ZNF541: variants seen among roughly 807,000 people sequenced by gnomAD.
ZNF541 encodes zinc finger protein 541.
Under a neutral mutation model 123.5 loss-of-function variants are expected in ZNF541, and 23 were observed. The observed-to-expected ratio is 0.19, with a 90% CI of 0.13 to 0.26. ZNF541 has a LOEUF of 0.26. Ranked by LOEUF, ZNF541 falls within the 10% of genes least tolerant of loss-of-function variation. The probability of loss-of-function intolerance (pLI) is 1.00; values close to 1 mark genes in which losing one functional copy is unlikely to be tolerated. For synonymous variants in ZNF541, 751 were observed against 754.5 expected, an observed-to-expected ratio of 1.00 and a Z score of 0.08; for missense variants, 1,612 against 1,789.9, an observed-to-expected ratio of 0.90 and a Z score of 1.79.
chr19:47,533,951 C>A (rs1437969567), intron 9 of ZNF541, among the ~76,000 whole-genome samples: 2 of 152,214 alleles, frequency 1.3e-5, no homozygotes, highest in Non-Finnish European at 2.9e-5. Flanking sequence ...GGTTCTATTC[C>A]AGGTAGGTGC....
Position 47,545,124 on chromosome 19 carries a change from C to T in ZNF541, c.1405G>A (p.Glu469Lys). 3.4e-6 allele frequency: 5 copies of T among 1,483,230 alleles called. No homozygotes were observed. In the Middle Eastern group the frequency reaches 6.2e-4, roughly 184 times the overall value. The allele number at this position is 1,483,230 out of a possible 1,614,324, so 91.9% of individuals were successfully genotyped here. A position where few individuals can be genotyped will look rare whatever the true frequency, so the allele number is the denominator to read the frequency against. ...ESPPGPGGGL[E>K]DALPFPAALL... The stretch of plus-strand genomic sequence containing the variant: ...GCGGCAGGGAAGGGCAGAGCATCCT[C>T]CAGGCCACCGCCGGGGCCGGGCGGG... The change falls in exon 5 of 17, where the codon GAG (glutamate) becomes AAG (lysine). Residue 469 changes from glutamate (E) to lysine (K), a missense_variant. Physicochemically the swap from Glu to Lys is moderately conservative, Grantham distance 56. This residue lies in a region of ZNF541 where 1,080 missense variants were observed against 1,013.8 expected (regional missense o/e 1.07). Coordinates refer to ENST00000391901, the MANE Select transcript of ZNF541 (RefSeq NM_001277075.3). This position sits in a 1 kb window ranked among gnomAD's most constrained non-coding sequence, Gnocchi z 7.5.
chr19:47,565,957 A>C (rs1254754232), intron 2 of ZNF541, among the ~76,000 whole-genome samples: 1 of 152,166 alleles, frequency 6.6e-6, no homozygotes, highest in African/African-American at 2.4e-5. Context: ...TGTGCGGATC[A>C]CTTGAGGTCA....
intron 4 of ZNF541, among the ~76,000 whole-genome samples, chr19:47,548,119 G>GA (rs200430342): frequency 2.8e-4 from 30 of 108,828 alleles, no homozygotes; most frequent in South Asian, 5.3e-4. Flanking sequence ...TTTTAAAAAA[G>GA]AAAAAAAAAC....
In ZNF541 at chr19:47,521,220, G is replaced by T. The variant is rs1475493525; in HGVS notation, c.*4C>A. 1 of 1,550,802 alleles carries T rather than the reference G, an allele frequency of 6.4e-7. No homozygotes were observed. Among genetic ancestry groups the T allele is most frequent in the African/African-American group, 1.4e-5 (1 of 73,044 alleles). ...GGCCCCATTCGGACTTGCTGCCACG[G>T]GAGTCACCACTGCAGGGGGCCGATG... On this transcript the variant is annotated 3_prime_UTR_variant, in exon 17 of 17. Coordinates refer to ENST00000391901, the MANE Select transcript of ZNF541 (RefSeq NM_001277075.3). This position sits in a 1 kb window ranked among gnomAD's most constrained non-coding sequence, Gnocchi z 4.2.
chr19:47,540,412 T>C, intron 6 of ZNF541, 77 bp from the exon 7 acceptor site: 1 of 1,420,200 alleles, frequency 7.0e-7, no homozygotes, highest in South Asian at 1.5e-5. Flanking sequence ...TGTTTTTTTT[T>C]CTTTTTTGTC....
In ZNF541 at chr19:47,521,427, C is replaced by T. The variant is rs1969021078; in HGVS notation, c.3888-50G>A. 1.3e-6 allele frequency: 2 copies of T among 1,550,636 alleles called. No homozygotes were observed. The highest frequency in any genetic ancestry group is 4.9e-5 in the East Asian group (2 of 40,870). The stretch of plus-strand genomic sequence containing the variant: ...GGTCAGAGCAGGGAGGAAGGGATCA[C>T]AGGGGCTGAGGCTGGGAGCCCTGGG... On this transcript the variant is annotated intron_variant, in intron 16 of 16. Coordinates refer to ENST00000391901, the MANE Select transcript of ZNF541 (RefSeq NM_001277075.3). This position sits in a 1 kb window ranked among gnomAD's most constrained non-coding sequence, Gnocchi z 4.2.
At chr19:47,538,477 C>T in intron 8 of ZNF541, 38 bp from the exon 9 acceptor site, 2 of 1,446,820 alleles carry the variant, frequency 1.4e-6, no homozygotes, top group Non-Finnish European at 9.1e-7. Flanking sequence ...CGCCTGAAGC[C>T]ACCTACTGCA....
chr19:47,562,242 C>T lies in ZNF541; in HGVS notation c.-98-6288G>A, dbSNP rs541881501. Among the ~76,000 whole-genome samples the T allele has an allele frequency of 2.0e-3, 300 of 149,978 alleles. 4 individuals carry two copies. Among genetic ancestry groups the T allele is most frequent in the Middle Eastern group, 0.015 (4 of 270 alleles). On this transcript the variant is annotated intron_variant, in intron 2 of 16. Transcript: ENST00000391901. ...CCAGCCTGGGCGACAGAGACTGTCT[C>T]CCCAAAAAAAACAAAAACAGGCCAG...
At chr19:47,531,238 G>A (rs991578114) in intron 12 of ZNF541, among the ~76,000 whole-genome samples, 21 of 142,454 alleles carry the variant, frequency 1.5e-4, no homozygotes, top group Middle Eastern at 3.6e-3. Context: ...TGAGCGGGGG[G>A]GGGGGGGGGG....
At position 47,545,509 on chromosome 19, in the gene ZNF541, G is replaced by A. The variant is rs747640073; in HGVS notation, c.1020C>T (p.Leu340=). ...CGTCAGTGGCCGGCTCTTTCTGTGG[G>A]AGGCAAGGCTCCTCGGGAAGCTCGG... ...LDTELPEEPC[L]PQKEPATDVF... The change falls in exon 5 of 17, where the codon CTC becomes CTT. Residue 340 remains leucine (L), a synonymous_variant. Coordinates refer to ENST00000391901, the MANE Select transcript of ZNF541 (RefSeq NM_001277075.3). This position sits in a 1 kb window ranked among gnomAD's most constrained non-coding sequence, Gnocchi z 7.5. 3 of 1,501,800 alleles carry A rather than the reference G, an allele frequency of 2.0e-6. No homozygotes were observed. Among genetic ancestry groups the A allele is most frequent in the Non-Finnish European group, 2.7e-6 (3 of 1,121,726 alleles). The allele number at this position is 1,501,800 out of a possible 1,614,324, so 93.0% of individuals were successfully genotyped here.
chr19:47,524,673 A>G (rs1969201247), intron 14 of ZNF541, among the ~76,000 whole-genome samples: 1 of 147,664 alleles, frequency 6.8e-6, no homozygotes, highest in East Asian at 2.0e-4. Context: ...GTACCACTGC[A>G]CTCCAGACTG....
intron 14 of ZNF541, among the ~76,000 whole-genome samples, chr19:47,524,709 A>G (rs1180274722): frequency 3.3e-5 from 5 of 149,892 alleles, no homozygotes; most frequent in Non-Finnish European, 7.4e-5. Context: ...CTCTGTCTAA[A>G]AAAAAAAAAA....
intron 12 of ZNF541, 145 bp from the exon 13 acceptor site, chr19:47,529,797 C>G (rs1827746004): frequency 2.9e-6 from 2 of 700,676 alleles, no homozygotes; most frequent in South Asian, 3.6e-5. Flanking sequence ...CTGGATGGGC[C>G]ACCAGCCTGT....
In ZNF541 at chr19:47,535,284, A is replaced by C. The variant is rs548744365; in HGVS notation, c.3095-2312T>G. On this transcript the variant is annotated intron_variant, in intron 9 of 16. Transcript: ENST00000391901. ...TACAAAACTCTTACAGGGAAACAAG[A>C]GTGACTCTGCATGACTTGGGTCAGG... 4.6e-5 allele frequency among the ~76,000 whole-genome samples: 7 copies of C among 152,338 alleles called. No homozygotes were observed. In the South Asian group the frequency reaches 1.4e-3, roughly 32 times the overall value.
intron 5 of ZNF541, among the ~76,000 whole-genome samples, chr19:47,542,879 G>A: frequency 6.6e-6 from 1 of 152,126 alleles, no homozygotes; most frequent in Non-Finnish European, 1.5e-5. Context: ...AGGAGGCGGA[G>A]GTTGCAATGA....
intron 5 of ZNF541, among the ~76,000 whole-genome samples, chr19:47,542,939 A>G (rs747310314): frequency 2.0e-5 from 3 of 152,056 alleles, no homozygotes; most frequent in Non-Finnish European, 2.9e-5. Flanking sequence ...GTGAGACTCC[A>G]TCATAAATAA....
At chr19:47,558,187 T>C (rs74174237) in intron 2 of ZNF541, among the ~76,000 whole-genome samples, 3 of 151,976 alleles carry the variant, frequency 2.0e-5, no homozygotes, top group Admixed American at 6.6e-5. Flanking sequence ...GAGACCGAGG[T>C]GGGCGGATCA....
Position 47,521,725 on chromosome 19 carries a change from C to T in ZNF541, c.3712-71G>A. On this transcript the variant is annotated intron_variant, in intron 15 of 16. Coordinates refer to ENST00000391901, the MANE Select transcript of ZNF541 (RefSeq NM_001277075.3). This position sits in a 1 kb window ranked among gnomAD's most constrained non-coding sequence, Gnocchi z 4.2. ...TGTAAGAGAGACACAGAGCTGGGGGCATACGTGTCTCCTGCAGGAAAACCC... is the reference window on the plus strand; with the variant it reads ...TGTAAGAGAGACACAGAGCTGGGGGTATACGTGTCTCCTGCAGGAAAACCC... 6.6e-7 allele frequency: 1 copy of T among 1,525,868 alleles called. No homozygotes were observed. Among genetic ancestry groups the T allele is most frequent in the East Asian group, 2.5e-5 (1 of 40,592 alleles). 94.5% of individuals were successfully genotyped at this position (1,525,868 alleles called of 1,614,324 possible).
chr19:47,551,098 T>A (rs954802255), intron 3 of ZNF541, among the ~76,000 whole-genome samples: 1 of 151,030 alleles, frequency 6.6e-6, no homozygotes, highest in Non-Finnish European at 1.5e-5. Context: ...TTGCCCAGGC[T>A]AGAGGGCAGT....
Sources: gnomAD v4.1 joint callset for allele counts (sites outside exome capture counted in the v4.1 genomes callset) on GRCh38, gnomAD v4.1.1 for gene constraint, gnomAD v4.1.1 regional missense constraint, Gnocchi (gnomAD v3.1) non-coding constraint, MANE v1.5 for transcripts, NCBI Gene and HGNC (gene_info 2026-07-23, HGNC 2026-07-21) for gene names.